Variants in LINGO2 observed in about 807,000 individuals in gnomAD.
LINGO2 encodes leucine rich repeat and Ig domain containing 2.
LINGO2 carries 14 observed loss-of-function variants against 30.6 expected under a neutral mutation model. The observed-to-expected ratio is 0.46, with a 90% confidence interval of 0.30 to 0.72. The LOEUF (loss-of-function observed/expected upper bound fraction) is 0.72. Ranked by LOEUF, LINGO2 falls within the 30% of genes least tolerant of loss-of-function variation. LINGO2 has a pLI of 0.07. For missense variants in LINGO2, 729 were observed against 751.7 expected (o/e 0.97, Z 0.35); for synonymous variants, 317 against 288.5 (o/e 1.10, Z -1.00).
At chr9:28,303,379 T>C (rs1824220793) in intron 3 of LINGO2, among the ~76,000 whole-genome samples, 1 of 152,144 alleles carries the variant, frequency 6.6e-6, no homozygotes, top group East Asian at 1.9e-4. Context: ...GGATGTGACC[T>C]AACTCAACTA....
chr9:28,149,325 T>G, intron 4 of LINGO2: 2 of 543,072 alleles, frequency 3.7e-6, no homozygotes, highest in Non-Finnish European at 3.3e-6. Context: ...ATCTGGGAAG[T>G]GAGGAGCGCC....
chr9:27,981,545 AAAAAAG>A (rs1465101140), intron 5 of LINGO2, among the ~76,000 whole-genome samples: 28 of 121,712 alleles, frequency 2.3e-4, no homozygotes, highest in African/African-American at 6.2e-4. Context: ...AAAAAAAAAA[AAAAAAG>A]AAAAAAAAGA....
chr9:28,347,403 A>G (rs1487440151), intron 3 of LINGO2, among the ~76,000 whole-genome samples: 4 of 147,406 alleles, frequency 2.7e-5, no homozygotes, highest in Non-Finnish European at 6.0e-5. Context: ...ATATATACAT[A>G]CACATTGAAG....
intron 4 of LINGO2, among the ~76,000 whole-genome samples, chr9:28,290,328 C>T (rs956070647): frequency 2.0e-5 from 3 of 152,106 alleles, no homozygotes; most frequent in Admixed American, 6.6e-5. Flanking sequence ...AGGAAAGTGC[C>T]CTACCCATAC....
intron 1 of LINGO2, among the ~76,000 whole-genome samples, chr9:28,647,885 CT>C (rs1266512896): frequency 2.9e-5 from 4 of 135,822 alleles, no homozygotes; most frequent in Non-Finnish European, 6.3e-5. Flanking sequence ...ATTTCTTTTT[CT>C]TTCTTTCTTT....
At chr9:28,911,806 G>C in the LINGO2 span, among the ~76,000 whole-genome samples, 1 of 152,030 alleles carries the variant, frequency 6.6e-6, no homozygotes, top group Non-Finnish European at 1.5e-5. Flanking sequence ...AGAAAGAGAT[G>C]TACGTTCTCT....
the LINGO2 span, among the ~76,000 whole-genome samples, chr9:29,182,031 G>A: frequency 6.6e-6 from 1 of 152,104 alleles, no homozygotes; most frequent in Non-Finnish European, 1.5e-5. Flanking sequence ...CATGGGGGTG[G>A]CCCTGAGTGC....
chr9:28,390,928 A>C (rs1293802273), intron 2 of LINGO2, among the ~76,000 whole-genome samples: 2 of 152,170 alleles, frequency 1.3e-5, no homozygotes, highest in Non-Finnish European at 1.5e-5. Context: ...TTAGTGAAAA[A>C]AAAAGTCTGA....
chr9:28,181,040 G>A (rs1828896440), intron 4 of LINGO2, among the ~76,000 whole-genome samples: 1 of 152,084 alleles, frequency 6.6e-6, no homozygotes, highest in South Asian at 2.1e-4. Context: ...ATTAGATTTA[G>A]GTAAAAATTC....
chr9:29,175,236 G>A, the LINGO2 span, among the ~76,000 whole-genome samples: 1 of 152,144 alleles, frequency 6.6e-6, no homozygotes, highest in African/African-American at 2.4e-5. Flanking sequence ...TCCAGCCTGG[G>A]CTACAGAGCA....
chr9:29,119,776 T>A, the LINGO2 span, among the ~76,000 whole-genome samples: 290 of 152,086 alleles, frequency 1.9e-3, 1 homozygote, highest in African/African-American at 6.6e-3. Flanking sequence ...TTTTGTGTTT[T>A]TAGTAGAGAT....
chr9:28,975,988 G>A, the LINGO2 span, among the ~76,000 whole-genome samples: 1 of 152,118 alleles, frequency 6.6e-6, no homozygotes, highest in Admixed American at 6.6e-5. Context: ...GTCTCTGCCT[G>A]AGTTAACTTA....
At chr9:28,450,973 AT>A (rs1391230457) in intron 2 of LINGO2, among the ~76,000 whole-genome samples, 1 of 151,944 alleles carries the variant, frequency 6.6e-6, no homozygotes, top group Non-Finnish European at 1.5e-5. Flanking sequence ...CCTTTCCTTC[AT>A]TTTGAATAGA....
At chr9:28,732,603 GAAAC>G in the LINGO2 span, among the ~76,000 whole-genome samples, 3 of 151,918 alleles carry the variant, frequency 2.0e-5, no homozygotes, top group Admixed American at 2.0e-4. Flanking sequence ...ATTTGAAAAA[GAAAC>G]AAAAGAACAT....
intron 4 of LINGO2, among the ~76,000 whole-genome samples, chr9:28,090,552 A>ATGGGACGT (rs1470282923): frequency 1.3e-5 from 2 of 152,206 alleles, no homozygotes; most frequent in African/African-American, 4.8e-5. Flanking sequence ...TTACATATTG[A>ATGGGACGT]TGGGACGTAT....
At chr9:28,899,475 A>G in the LINGO2 span, among the ~76,000 whole-genome samples, 1 of 152,014 alleles carries the variant, frequency 6.6e-6, no homozygotes, top group African/African-American at 2.4e-5. Flanking sequence ...CAGACTGACC[A>G]CAGCACCAGG....
intron 2 of LINGO2, among the ~76,000 whole-genome samples, chr9:28,395,894 C>CAT (rs778591879): frequency 1.3e-5 from 2 of 152,094 alleles, no homozygotes; most frequent in African/African-American, 2.4e-5. Flanking sequence ...ATTTCAGCAA[C>CAT]CTTTTTCTGT....
chr9:28,713,107 A>G, the LINGO2 span, among the ~76,000 whole-genome samples: 1 of 151,996 alleles, frequency 6.6e-6, no homozygotes, highest in South Asian at 2.1e-4. Flanking sequence ...CTCGTGATCA[A>G]CCCGCCTCGG....
At chr9:28,271,677 C>T (rs542163449) in intron 4 of LINGO2, among the ~76,000 whole-genome samples, 1 of 152,160 alleles carries the variant, frequency 6.6e-6, no homozygotes, top group Admixed American at 6.6e-5. Flanking sequence ...CAAGGAAAAG[C>T]CTTCATGTGG....
Sources: gnomAD v4.1 joint callset for allele counts (sites outside exome capture counted in the v4.1 genomes callset) on GRCh38, gnomAD v4.1.1 for gene constraint, MANE v1.5 for transcripts, NCBI Gene and HGNC (gene_info 2026-07-23, HGNC 2026-07-21) for gene names.